Variants in PAN3 observed in about 807,000 individuals in gnomAD.
PAN3 encodes PAN2-PAN3 deadenylation complex subunit PAN3.
PAN3 carries 19 observed loss-of-function variants against 96.2 expected under a neutral mutation model. The observed-to-expected ratio is 0.20, with a 90% CI of 0.14 to 0.29. The LOEUF (loss-of-function observed/expected upper bound fraction) is 0.29. Ranked by LOEUF, PAN3 falls within the 10% of genes least tolerant of loss-of-function variation. The pLI is 1.00. For missense variants in PAN3, 882 were observed against 1,108.1 expected (o/e 0.80, Z 2.90); for synonymous variants, 433 against 406.6 (o/e 1.06, Z -0.78).
chr13:28,189,297 C>G lies in PAN3; in HGVS notation c.691-7888C>G, dbSNP rs1876895243. On this transcript the variant is annotated intron_variant, in intron 4 of 18. Transcript: ENST00000380958. ...CTTTGGGAGGCCACGCCGGGTGGAT[C>G]ATGAAGTCAGGAGTTCAAGACCAGC... 3.3e-5 allele frequency among the ~76,000 whole-genome samples: 5 copies of G among 152,282 alleles called. No individual in the cohort carries two copies. In the South Asian group the frequency reaches 1.0e-3, roughly 32 times the overall value.
intron 3 of PAN3, among the ~76,000 whole-genome samples, chr13:28,177,269 A>C (rs1387382085): frequency 1.3e-5 from 2 of 152,218 alleles, no homozygotes; most frequent in Admixed American, 6.5e-5. Flanking sequence ...TTGAACCTAC[A>C]AAATCTTTGG....
chr13:28,237,951 A>C (rs1283654499), intron 6 of PAN3, among the ~76,000 whole-genome samples: 1 of 152,228 alleles, frequency 6.6e-6, no homozygotes, highest in Non-Finnish European at 1.5e-5. Flanking sequence ...AATTAAGTAT[A>C]TTGGTGTTGG....
intron 5 of PAN3, among the ~76,000 whole-genome samples, chr13:28,216,559 C>T (rs1880795784): frequency 6.6e-6 from 1 of 152,142 alleles, no homozygotes; most frequent in African/African-American, 2.4e-5. Flanking sequence ...GGAAAGATTA[C>T]TGATACCAAT....
intron 1 of PAN3, among the ~76,000 whole-genome samples, chr13:28,165,682 G>C (rs960999844): frequency 6.6e-6 from 1 of 152,066 alleles, no homozygotes; most frequent in Admixed American, 6.6e-5. Context: ...AAATATTGGA[G>C]ACTGGGTAAT....
At chr13:28,260,226 G>A (rs1039042889) in intron 7 of PAN3, among the ~76,000 whole-genome samples, 2 of 151,808 alleles carry the variant, frequency 1.3e-5, no homozygotes, top group African/African-American at 4.8e-5. Flanking sequence ...GTGAAACCCT[G>A]TCTCTACAAA....
At chr13:28,280,821 A>G (rs1384719032) in intron 16 of PAN3, among the ~76,000 whole-genome samples, 2 of 152,162 alleles carry the variant, frequency 1.3e-5, no homozygotes, top group Admixed American at 1.3e-4. Context: ...TCAGCCTCCC[A>G]AAGTGCTGGG....
chr13:28,222,906 T>C (rs898264651), intron 6 of PAN3, among the ~76,000 whole-genome samples: 3 of 152,204 alleles, frequency 2.0e-5, no homozygotes, highest in African/African-American at 2.4e-5. Context: ...TTGACACTTA[T>C]GTAAACTAGG....
chr13:28,177,540 T>C (rs1212680659), intron 3 of PAN3, among the ~76,000 whole-genome samples: 1 of 151,884 alleles, frequency 6.6e-6, no homozygotes, highest in East Asian at 1.9e-4. Context: ...ATTATAAACC[T>C]TTATTTACTT....
intron 5 of PAN3, chr13:28,215,454 G>T: frequency 1.4e-6 from 1 of 696,178 alleles, no homozygotes. Flanking sequence ...TTATGAATGT[G>T]TCTGTCAAAG....
At chr13:28,283,774 A>G (rs1868603762) in intron 17 of PAN3, among the ~76,000 whole-genome samples, 1 of 152,222 alleles carries the variant, frequency 6.6e-6, no homozygotes. Flanking sequence ...TAGAGAGGTT[A>G]AATAACTTGA....
intron 1 of PAN3, among the ~76,000 whole-genome samples, chr13:28,142,269 T>C (rs978631378): frequency 6.6e-6 from 1 of 152,226 alleles, no homozygotes; most frequent in Non-Finnish European, 1.5e-5. Context: ...TTATTGTTCA[T>C]TTTTTAGACT....
At chr13:28,239,022 A>C (rs1382483156) in intron 6 of PAN3, among the ~76,000 whole-genome samples, 2 of 152,066 alleles carry the variant, frequency 1.3e-5, no homozygotes, top group African/African-American at 2.4e-5. Flanking sequence ...TAACAAGTGA[A>C]TCAGAACCTT....
At chr13:28,147,394 G>C (rs1870802570) in intron 1 of PAN3, among the ~76,000 whole-genome samples, 1 of 152,112 alleles carries the variant, frequency 6.6e-6, no homozygotes, top group South Asian at 2.1e-4. Flanking sequence ...TAACAGTACT[G>C]ACTTAAAATA....
intron 14 of PAN3, among the ~76,000 whole-genome samples, chr13:28,273,950 A>G (rs1399118646): frequency 6.6e-6 from 1 of 152,238 alleles, no homozygotes; most frequent in Non-Finnish European, 1.5e-5. Flanking sequence ...GAGTCTAATC[A>G]GTGTTTAGTA....
At chr13:28,234,494 CAA>C (rs1330216669) in intron 6 of PAN3, among the ~76,000 whole-genome samples, 2 of 152,028 alleles carry the variant, frequency 1.3e-5, no homozygotes, top group African/African-American at 2.4e-5. Flanking sequence ...TTATAGGTAA[CAA>C]GGGTTTTAAA....
At chr13:28,258,743 A>AGGG (rs1885425821) in intron 7 of PAN3, among the ~76,000 whole-genome samples, 1 of 152,148 alleles carries the variant, frequency 6.6e-6, no homozygotes, top group African/African-American at 2.4e-5. Flanking sequence ...TTAGTATCCA[A>AGGG]GGGGGATTGA....
intron 1 of PAN3, among the ~76,000 whole-genome samples, chr13:28,139,428 C>T (rs959337315): frequency 6.7e-6 from 1 of 149,518 alleles, no homozygotes; most frequent in Non-Finnish European, 1.5e-5. Context: ...TGGAAAGGGG[C>T]TGGGTTTGCA....
At chr13:28,283,849 G>C (rs183765216) in intron 17 of PAN3, among the ~76,000 whole-genome samples, 4 of 152,300 alleles carry the variant, frequency 2.6e-5, no homozygotes, top group Middle Eastern at 6.8e-3. Flanking sequence ...TGGTTCCAGA[G>C]TGTGTGCTCC....
At chr13:28,273,581 A>G (rs963358250) in intron 14 of PAN3, among the ~76,000 whole-genome samples, 1 of 151,986 alleles carries the variant, frequency 6.6e-6, no homozygotes, top group African/African-American at 2.4e-5. Flanking sequence ...TGCCTGGGTA[A>G]CAGAGCTAGA....
Sources: allele counts gnomAD v4.1 joint callset (sites outside exome capture counted in the v4.1 genomes callset), GRCh38; gene constraint gnomAD v4.1.1; transcripts MANE v1.5; gene names NCBI Gene and HGNC (gene_info 2026-07-23, HGNC 2026-07-21).